The following ADAMTSL1 variants were observed in gnomAD, a reference collection of about 807,000 sequenced individuals.
The protein encoded by ADAMTSL1 is ADAMTS-like protein 1.
A neutral mutation model predicts 201.8 loss-of-function variants in ADAMTSL1; 126 were observed. The ratio of observed to expected loss-of-function variants is 0.62; its 90% confidence interval spans 0.54 to 0.72. The LOEUF (loss-of-function observed/expected upper bound fraction) is 0.72, where lower values mean the gene tolerates loss of function less well. Among genes scored for constraint, ADAMTSL1 ranks in the 30% least tolerant of loss-of-function variants. ADAMTSL1 has a pLI of 0.00. For missense variants in ADAMTSL1, 2,679 were observed against 2,277.8 expected (o/e 1.18, Z -3.59); for synonymous variants, 1,121 against 903.4 (o/e 1.24, Z -4.32).
intron 2 of ADAMTSL1, among the ~76,000 whole-genome samples, chr9:18,422,761 T>C (rs1212324883): frequency 6.6e-6 from 1 of 152,220 alleles, no homozygotes; most frequent in Non-Finnish European, 1.5e-5. Context: ...GCATCCGGTA[T>C]GGCCTCTGTC....
At chr9:18,434,279 TG>T (rs1819625573) in intron 2 of ADAMTSL1, among the ~76,000 whole-genome samples, 1 of 152,166 alleles carries the variant, frequency 6.6e-6, no homozygotes, top group Admixed American at 6.5e-5. Context: ...AACAAGAGGC[TG>T]TGCTCGGTTA....
chr9:18,225,324 C>G (rs1321743492), intron 2 of ADAMTSL1, among the ~76,000 whole-genome samples: 1 of 152,066 alleles, frequency 6.6e-6, no homozygotes, highest in Non-Finnish European at 1.5e-5. Flanking sequence ...TTAACAGAAG[C>G]TTAGACATAA....
chr9:18,233,670 C>T (rs1400804685), intron 2 of ADAMTSL1, among the ~76,000 whole-genome samples: 1 of 151,910 alleles, frequency 6.6e-6, no homozygotes, highest in African/African-American at 2.4e-5. Context: ...CCCTTGAACA[C>T]CTTATTGGAA....
chr9:17,942,802 A>T (rs1484754267), intron 1 of ADAMTSL1, among the ~76,000 whole-genome samples: 1 of 152,184 alleles, frequency 6.6e-6, no homozygotes, highest in Non-Finnish European at 1.5e-5. Context: ...GGTACCTTGT[A>T]GTCTCAATAA....
chr9:18,329,093 C>T (rs1834935725), intron 2 of ADAMTSL1, among the ~76,000 whole-genome samples: 1 of 151,988 alleles, frequency 6.6e-6, no homozygotes, highest in South Asian at 2.1e-4. Context: ...GTGGTCAGGT[C>T]GTGAGGGTAG....
intron 7 of ADAMTSL1, among the ~76,000 whole-genome samples, chr9:18,641,315 T>A (rs1200869247): frequency 6.6e-6 from 1 of 152,118 alleles, no homozygotes; most frequent in Non-Finnish European, 1.5e-5. Flanking sequence ...TTTGTCTTCA[T>A]ATCTCCATAA....
intron 1 of ADAMTSL1, among the ~76,000 whole-genome samples, chr9:18,120,812 T>C (rs1293694819): frequency 2.0e-5 from 3 of 152,206 alleles, no homozygotes; most frequent in African/African-American, 7.2e-5. Flanking sequence ...TTTAGTCATG[T>C]AATTTAATAT....
intron 26 of ADAMTSL1, among the ~76,000 whole-genome samples, chr9:18,903,578 T>C (rs895060639): frequency 3.3e-5 from 5 of 152,222 alleles, no homozygotes; most frequent in Non-Finnish European, 7.3e-5. Context: ...AATGTGGGGC[T>C]GCTTGTTCAA....
chr9:18,027,266 A>G (rs1260356702), intron 1 of ADAMTSL1, among the ~76,000 whole-genome samples: 1 of 150,306 alleles, frequency 6.7e-6, no homozygotes. Flanking sequence ...TTGGGGGTTG[A>G]TTTGCTCTTG....
intron 1 of ADAMTSL1, among the ~76,000 whole-genome samples, chr9:18,075,843 G>C (rs1202391163): frequency 3.3e-5 from 5 of 152,152 alleles, no homozygotes; most frequent in Non-Finnish European, 5.9e-5. Context: ...GGGCAGACCT[G>C]TGCCTGTAAA....
chr9:18,406,819 A>C (rs1169512026), intron 2 of ADAMTSL1, among the ~76,000 whole-genome samples: 1 of 152,200 alleles, frequency 6.6e-6, no homozygotes, highest in Non-Finnish European at 1.5e-5. Flanking sequence ...ATTTGGGTAC[A>C]TGTCACTGGT....
intron 2 of ADAMTSL1, among the ~76,000 whole-genome samples, chr9:18,291,856 C>A (rs754630695): frequency 6.6e-6 from 1 of 151,858 alleles, no homozygotes; most frequent in Non-Finnish European, 1.5e-5. Flanking sequence ...CTAAGAATGC[C>A]GTTGCCTGTC....
intron 2 of ADAMTSL1, among the ~76,000 whole-genome samples, chr9:18,188,258 C>T (rs550561080): frequency 1.3e-5 from 2 of 152,206 alleles, no homozygotes; most frequent in Admixed American, 6.5e-5. Context: ...TCCAGAACAT[C>T]CTTCAGAGTC....
chr9:17,926,417 A>C (rs934011554), intron 1 of ADAMTSL1, among the ~76,000 whole-genome samples: 1 of 152,126 alleles, frequency 6.6e-6, no homozygotes, highest in African/African-American at 2.4e-5. Flanking sequence ...ACCAGTGTGG[A>C]TCGTCAGGAA....
chr9:18,625,361 G>A (rs1826299315), intron 5 of ADAMTSL1, among the ~76,000 whole-genome samples: 1 of 151,872 alleles, frequency 6.6e-6, no homozygotes, highest in African/African-American at 2.4e-5. Flanking sequence ...GAATGTGCCA[G>A]AAGGATAAAG....
At chr9:18,683,617 AT>A (rs1302225020) in intron 12 of ADAMTSL1, among the ~76,000 whole-genome samples, 16 of 152,074 alleles carry the variant, frequency 1.1e-4, no homozygotes, top group African/African-American at 3.1e-4. Context: ...TTAGCAAATC[AT>A]TTTGGCTTTG....
At chr9:18,712,074 A>T (rs1832650738) in intron 14 of ADAMTSL1, among the ~76,000 whole-genome samples, 1 of 151,382 alleles carries the variant, frequency 6.6e-6, no homozygotes, top group South Asian at 2.1e-4. Flanking sequence ...CAGAAAGGAC[A>T]TCCACACCAA....
chr9:18,879,628 CTTAAT>C (rs140209885), intron 23 of ADAMTSL1, among the ~76,000 whole-genome samples: 3,897 of 152,264 alleles, frequency 0.026, 116 homozygotes, highest in South Asian at 0.13. Context: ...ACATACATGC[CTTAAT>C]TTAAAAATAC....
rs62552138 is a variant in ADAMTSL1, at chr9:18,521,202, G to C, written c.192-12045G>C. ...CAGGTTAAACATTACTTGTTATGAAGAACATTGTAAGCAAATTTCTTATTA... is the reference window on the plus strand; with the variant it reads ...CAGGTTAAACATTACTTGTTATGAACAACATTGTAAGCAAATTTCTTATTA... On this transcript the variant is annotated intron_variant, in intron 2 of 28. Transcript: ENST00000380548. 2.0e-3 allele frequency among the ~76,000 whole-genome samples: 302 copies of C among 152,206 alleles called. 1 individual carries two copies. The highest frequency in any genetic ancestry group is 0.017 in the Middle Eastern group (5 of 294).
Sources: gnomAD v4.1 joint callset for allele counts (sites outside exome capture counted in the v4.1 genomes callset) on GRCh38, gnomAD v4.1.1 for gene constraint, MANE v1.5 for transcripts, NCBI Gene and HGNC (gene_info 2026-07-23, HGNC 2026-07-21) for gene names.